HOXB9: variants seen among roughly 807,000 people sequenced by gnomAD.
HOXB9 encodes homeobox B9.
HOXB9 carries 10 observed loss-of-function variants against 21.5 expected under a neutral mutation model. The observed-to-expected ratio is 0.47, with a 90% CI of 0.29 to 0.79. The LOEUF is 0.79. Ranked by LOEUF, HOXB9 falls within the 30% of genes least tolerant of loss-of-function variation. The pLI, the probability that HOXB9 is intolerant of heterozygous loss-of-function variation, is 0.10. For synonymous variants in HOXB9, 156 were observed against 151.2 expected, an observed-to-expected ratio of 1.03 and a Z score of -0.23; for missense variants, 375 against 338.7, an observed-to-expected ratio of 1.11 and a Z score of -0.84.
Position 48,625,919 on chromosome 17 carries a change from CT to C in HOXB9, c.350del (p.Lys117ArgfsTer84). ...CAGGCGCGCCCAGCAGCGGCTCCGCCTTCACCGCCGCCTGGCCCTGCCCCGG... is the reference window on the plus strand; with the variant it reads ...CAGGCGCGCCCAGCAGCGGCTCCGCCTCACCGCCGCCTGGCCCTGCCCCGG... ...AAPGQGQAAV[K>X]AEPLLGAPGE... On this transcript the variant is annotated frameshift_variant, in exon 1 of 2. Coordinates refer to ENST00000311177, the MANE Select transcript of HOXB9 (RefSeq NM_024017.5). LOFTEE classifies it high-confidence loss of function. 6.3e-7 allele frequency: 1 copy of C among 1,582,298 alleles called. No homozygotes were observed. Among genetic ancestry groups the C allele is most frequent in the Non-Finnish European group, 8.6e-7 (1 of 1,168,254 alleles).
Position 48,625,976 on chromosome 17 carries a change from C to A in HOXB9, c.294G>T (p.Trp98Cys). 1 of 1,513,996 alleles carries A rather than the reference C, an allele frequency of 6.6e-7. No individual in the cohort carries two copies. Among genetic ancestry groups the A allele is most frequent in the South Asian group, 1.3e-5 (1 of 79,388 alleles). The allele number at this position is 1,513,996 out of a possible 1,614,324, so 93.8% of individuals were successfully genotyped here. A position where few individuals can be genotyped will look rare whatever the true frequency, so the allele number is the denominator to read the frequency against. The change falls in exon 1 of 2, where the codon TGG becomes TGT. Residue 98 changes from tryptophan (W) to cysteine (C), a missense_variant. By Grantham distance (215) the Trp-to-Cys change is radical. Coordinates refer to ENST00000311177, the MANE Select transcript of HOXB9 (RefSeq NM_024017.5). ...CTTCGCCGCGCGGCGCCGGCTCCAG[C>A]CAGGTGCGGAGGTACCTGCTCTCGG... ...PPAESRYLRT[W>C]LEPAPRGEAA...
At position 48,625,747 on chromosome 17, in the gene HOXB9, A is replaced by C; in HGVS notation, c.517+6T>G. The C allele has an allele frequency of 6.4e-7, 1 of 1,551,244 alleles. No individual in the cohort carries two copies. Among genetic ancestry groups the C allele is most frequent in the Non-Finnish European group, 8.7e-7 (1 of 1,148,908 alleles). ...CCTGGGTATTTCCTCACTTTTTATA[A>C]CTTACTTTGATCCGGCCTCTCTTTG... On this transcript the variant is annotated splice_donor_region_variant and intron_variant, in intron 1 of 1. Coordinates refer to ENST00000311177, the MANE Select transcript of HOXB9 (RefSeq NM_024017.5).
chr17:48,623,301 G>C (rs1209116319), intron 1 of HOXB9, among the ~76,000 whole-genome samples, 166 bp from the exon 2 acceptor site: 2 of 152,220 alleles, frequency 1.3e-5, no homozygotes, highest in African/African-American at 4.8e-5. Context: ...CATTGCTATA[G>C]ACACCTCCAG....
Position 48,626,101 on chromosome 17 carries a change from G to A in HOXB9, c.169C>T (p.Pro57Ser). 8.9e-6 allele frequency: 14 copies of A among 1,579,322 alleles called. No individual in the cohort carries two copies. Among genetic ancestry groups the A allele is most frequent in the Non-Finnish European group, 1.2e-5 (14 of 1,169,286 alleles). The change falls in exon 1 of 2, where the codon CCG becomes TCG. Residue 57 changes from proline to serine, a missense_variant. Coordinates refer to ENST00000311177, the MANE Select transcript of HOXB9 (RefSeq NM_024017.5). ...GGCGCCCAGGAGGCGCCGAACACCGGCGCTTTGGGCTGGAAGCTGCACGAG... is the reference window on the plus strand; with the variant it reads ...GGCGCCCAGGAGGCGCCGAACACCGACGCTTTGGGCTGGAAGCTGCACGAG... ...FPSCSFQPKAPVFGASWAPLS... is the reference protein window; with the variant it reads ...FPSCSFQPKASVFGASWAPLS...
intron 1 of HOXB9, among the ~76,000 whole-genome samples, chr17:48,624,417 G>T (rs2070795032): frequency 1.3e-5 from 2 of 152,148 alleles, no homozygotes; most frequent in African/African-American, 4.8e-5. Flanking sequence ...CAGAATTTGG[G>T]GGTTTAGGGT....
Position 48,625,832 on chromosome 17 carries a change from G to T in HOXB9, c.438C>A (p.Ala146=). 6.2e-7 allele frequency: 1 copy of T among 1,611,098 alleles called. No homozygotes were observed. The highest frequency in any genetic ancestry group is 8.5e-7 in the Non-Finnish European group (1 of 1,178,944). The change falls in exon 1 of 2, where the codon GCC becomes GCA. Residue 146 remains alanine, a synonymous_variant. Transcript: ENST00000311177. ...AGCCGGGTCTTTGATTAGACAGCACGGCCTCCCTGCCCGCCGAAGTTTCCA... is the reference window on the plus strand; with the variant it reads ...AGCCGGGTCTTTGATTAGACAGCACTGCCTCCCTGCCCGCCGAAGTTTCCA... The part of the protein sequence containing the change: ...YSLETSAGRE[A]VLSNQRPGYG...
chr17:48,624,985 C>T (rs1366309008), intron 1 of HOXB9, among the ~76,000 whole-genome samples: 1 of 152,204 alleles, frequency 6.6e-6, no homozygotes, highest in African/African-American at 2.4e-5. Flanking sequence ...GCGGACAGCC[C>T]GGGCTGGGGC....
chr17:48,626,126 G>C lies in HOXB9; in HGVS notation c.144C>G (p.Pro48=). 6.3e-7 allele frequency: 1 copy of C among 1,588,966 alleles called. No homozygotes were observed. The highest frequency in any genetic ancestry group is 1.3e-5 in the African/African-American group (1 of 74,968). Residue 48 remains proline (P), a synonymous_variant, in exon 1 of 2, where the codon CCC becomes CCG. Transcript: ENST00000311177. ...QPGHAEHLEF[P]SCSFQPKAPV... is the part of the protein sequence containing the mutation. ...GCGCTTTGGGCTGGAAGCTGCACGA[G>C]GGGAACTCCAGGTGCTCCGCGTGGC...
At chr17:48,623,306 C>T (rs972236558) in intron 1 of HOXB9, among the ~76,000 whole-genome samples, 171 bp from the exon 2 acceptor site, 1 of 152,208 alleles carries the variant, frequency 6.6e-6, no homozygotes, top group East Asian at 1.9e-4. Context: ...CTATAGACAC[C>T]TCCAGGTGAG....
chr17:48,625,646 G>C, intron 1 of HOXB9, 107 bp downstream of exon 1: 1 of 1,321,442 alleles, frequency 7.6e-7, no homozygotes, highest in Non-Finnish European at 1.0e-6. Context: ...CCGCTCTCCG[G>C]CCACCGCCGC....
intron 1 of HOXB9, 56 bp downstream of exon 1, chr17:48,625,697 T>TG: frequency 7.0e-7 from 1 of 1,424,406 alleles, no homozygotes; most frequent in Non-Finnish European, 9.2e-7. Flanking sequence ...GCCTTTCCCC[T>TG]CCCCGCCCCC....
At position 48,626,166 on chromosome 17, in the gene HOXB9, C is replaced by T; in HGVS notation, c.104G>A (p.Ser35Asn). The part of the protein sequence containing the change: ...PAKFPSGQYA[S>N]SRQPGHAEHL... ...CTCCGCGTGGCCCGGCTGCCGCGAG[C>T]TCGCGTACTGGCCAGAAGGAAACTT... The change falls in exon 1 of 2, where the codon AGC becomes AAC. Residue 35 changes from serine (S) to asparagine (N), a missense_variant. Ser to Asn is a conservative substitution (Grantham distance 46, BLOSUM62 1). Coordinates refer to ENST00000311177, the MANE Select transcript of HOXB9 (RefSeq NM_024017.5). 6.3e-7 allele frequency: 1 copy of T among 1,598,208 alleles called. No individual in the cohort carries two copies. The highest frequency in any genetic ancestry group is 8.5e-7 in the Non-Finnish European group (1 of 1,179,020).
In HOXB9 at chr17:48,623,106, G is replaced by A. The variant is rs762781006; in HGVS notation, c.547C>T (p.Arg183Cys). The A allele has an allele frequency of 4.8e-5, 78 of 1,613,692 alleles. No individual in the cohort carries two copies. The highest frequency in any genetic ancestry group is 1.3e-4 in the Admixed American group (8 of 59,938). Reference protein sequence around the residue: ...TNPSANWLHARSSRKKRCPYT... With the variant: ...TNPSANWLHACSSRKKRCPYT... ...GGACAGCGCTTTTTCCGGGAAGAGC[G>A]AGCGTGCAGCCAGTTGGCGGAGGGG... The change falls in exon 2 of 2, where the codon CGC (arginine) becomes TGC (cysteine). Residue 183 changes from arginine to cysteine, a missense_variant. Arg to Cys is a radical substitution (Grantham distance 180). Transcript: ENST00000311177.
Position 48,622,767 on chromosome 17 carries a change from TA to T in HOXB9, c.*132del, listed in dbSNP as rs2070780883. On this transcript the variant is annotated 3_prime_UTR_variant, in exon 2 of 2. Transcript: ENST00000311177. ...AAAGGAGGGAGGTTCTAGGTGCAGA[TA>T]AAGGACTTGGAAGAGAGACTCCCTT... 3.1e-6 allele frequency: 2 copies of T among 655,170 alleles called. No homozygotes were observed. Among genetic ancestry groups the T allele is most frequent in the African/African-American group, 3.6e-5 (2 of 55,214 alleles). The allele number at this position is 655,170 out of a possible 1,614,324, so 40.6% of individuals were successfully genotyped here.
At chr17:48,623,606 G>T (rs975201575) in intron 1 of HOXB9, among the ~76,000 whole-genome samples, 1 of 152,136 alleles carries the variant, frequency 6.6e-6, no homozygotes, top group Non-Finnish European at 1.5e-5. Context: ...CACCCCAAGA[G>T]ACCTCTCAGC....
intron 1 of HOXB9, among the ~76,000 whole-genome samples, chr17:48,624,547 C>G (rs2070795953): frequency 6.6e-6 from 1 of 152,108 alleles, no homozygotes; most frequent in African/African-American, 2.4e-5. Context: ...AATGGGGCTG[C>G]TCTTTACTCT....
chr17:48,623,277 A>G (rs2070786264), intron 1 of HOXB9, 142 bp from the exon 2 acceptor site: 3 of 643,178 alleles, frequency 4.7e-6, no homozygotes, highest in Non-Finnish European at 8.1e-6. Flanking sequence ...GAAGGGTGTC[A>G]CAGATGGGCC....
At chr17:48,624,644 A>G (rs377514508) in intron 1 of HOXB9, among the ~76,000 whole-genome samples, 17 of 152,224 alleles carry the variant, frequency 1.1e-4, no homozygotes, top group African/African-American at 4.1e-4. Context: ...AAACATCCCT[A>G]CTTCCCAAAA....
intron 1 of HOXB9, among the ~76,000 whole-genome samples, chr17:48,624,148 A>G (rs1220833834): frequency 6.6e-6 from 1 of 152,190 alleles, no homozygotes; most frequent in East Asian, 1.9e-4. Context: ...AAAAGTTGCC[A>G]AATAAAGCTA....
Sources: allele counts gnomAD v4.1 joint callset (sites outside exome capture counted in the v4.1 genomes callset), GRCh38; gene constraint gnomAD v4.1.1; transcripts MANE v1.5; gene names NCBI Gene and HGNC (gene_info 2026-07-23, HGNC 2026-07-21).